DNMBP: variants seen among roughly 807,000 people sequenced by gnomAD.
The protein encoded by DNMBP is dynamin binding protein, also known as dynamin-binding protein.
Under a neutral mutation model 150.0 loss-of-function variants are expected in DNMBP, and 87 were observed. The observed-to-expected ratio is 0.58, with a 90% CI of 0.49 to 0.69. DNMBP has a LOEUF of 0.69. Among genes scored for constraint, DNMBP ranks in the 30% least tolerant of loss-of-function variants. The pLI is 0.00. For synonymous variants in DNMBP, 711 were observed against 750.4 expected (o/e 0.95, Z 0.86); for missense variants, 1,774 against 1,949.0 (o/e 0.91, Z 1.69).
At chr10:99,927,357 G>T (rs1348055183) in intron 4 of DNMBP, 1 of 152,074 alleles carries the variant, frequency 6.6e-6, no homozygotes, top group African/African-American at 2.4e-5. Context: ...ACAAAGAAAT[G>T]GCCATTTATG....
At chr10:99,981,692 C>T (rs1200548093) in intron 1 of DNMBP, among the ~76,000 whole-genome samples, 1 of 152,196 alleles carries the variant, frequency 6.6e-6, no homozygotes, top group Non-Finnish European at 1.5e-5. Flanking sequence ...CCCCAGCCTA[C>T]CCTGTGTTCC....
intron 4 of DNMBP, among the ~76,000 whole-genome samples, chr10:99,923,761 TCTC>T (rs143583833): frequency 0.14 from 20,682 of 152,152 alleles, 1,943 homozygotes; most frequent in African/African-American, 0.26. Flanking sequence ...CCAGAACTGT[TCTC>T]CTTGCTTCTC....
chr10:99,946,645 C>T (rs1390173172), intron 4 of DNMBP, among the ~76,000 whole-genome samples: 4 of 152,168 alleles, frequency 2.6e-5, no homozygotes, highest in Admixed American at 6.5e-5. Flanking sequence ...AGGTCTCAAA[C>T]TACACAAATC....
intron 4 of DNMBP, among the ~76,000 whole-genome samples, chr10:99,931,784 C>T (rs116394506): frequency 0.01 from 1,532 of 152,260 alleles, 29 homozygotes; most frequent in African/African-American, 0.035. Context: ...AGAAGCAACA[C>T]GCTTAAAGAA....
intron 6 of DNMBP, among the ~76,000 whole-genome samples, chr10:99,900,559 C>T (rs939064986): frequency 1.1e-4 from 16 of 152,120 alleles, no homozygotes; most frequent in Non-Finnish European, 1.6e-4. Context: ...CCTTTGCAGT[C>T]GAGCCAAGTC....
At chr10:99,997,489 T>C (rs1022933230) in intron 1 of DNMBP, among the ~76,000 whole-genome samples, 1 of 152,128 alleles carries the variant, frequency 6.6e-6, no homozygotes, top group Non-Finnish European at 1.5e-5. Flanking sequence ...CCTGAATAAC[T>C]TGGAACCTCC....
At chr10:99,899,788 C>T (rs1214161176) in intron 7 of DNMBP, 131 bp downstream of exon 7, 5 of 1,049,504 alleles carry the variant, frequency 4.8e-6, no homozygotes, top group Non-Finnish European at 7.3e-6. Context: ...ATCAGGAAAC[C>T]ACTTAAATGA....
chr10:99,895,927 T>C (rs1264641169), intron 10 of DNMBP, among the ~76,000 whole-genome samples: 1 of 152,244 alleles, frequency 6.6e-6, no homozygotes, highest in Admixed American at 6.5e-5. Flanking sequence ...ATTCAATCTC[T>C]TACACTTAAC....
intron 1 of DNMBP, among the ~76,000 whole-genome samples, chr10:99,987,166 A>AG (rs2040837133): frequency 1.3e-5 from 2 of 151,336 alleles, no homozygotes; most frequent in East Asian, 1.9e-4. Context: ...AAAAAAAAAA[A>AG]AAAGAAATCT....
At chr10:99,975,158 C>T (rs540620883) in intron 1 of DNMBP, among the ~76,000 whole-genome samples, 5 of 152,074 alleles carry the variant, frequency 3.3e-5, no homozygotes, top group African/African-American at 9.6e-5. Flanking sequence ...TCAGGGAGCT[C>T]GAGACCAGCC....
chr10:99,917,732 G>A (rs1376645427), intron 4 of DNMBP, among the ~76,000 whole-genome samples: 1 of 151,830 alleles, frequency 6.6e-6, no homozygotes, highest in East Asian at 1.9e-4. Context: ...TTGGGAGGCC[G>A]AGGCGGGTGG....
At chr10:99,891,985 C>T (rs2039575602) in intron 11 of DNMBP, among the ~76,000 whole-genome samples, 3 of 145,560 alleles carry the variant, frequency 2.1e-5, no homozygotes, top group African/African-American at 5.3e-5. Context: ...GCCCGGCCGC[C>T]CCTACTGGGA....
At chr10:99,891,100 TAAAA>T (rs1271106257) in intron 11 of DNMBP, among the ~76,000 whole-genome samples, 15 of 152,158 alleles carry the variant, frequency 9.9e-5, no homozygotes, top group African/African-American at 3.4e-4. Context: ...TCTTAAAACT[TAAAA>T]AAAGATTTTA....
chr10:99,906,035 C>T (rs2039821089), intron 6 of DNMBP, among the ~76,000 whole-genome samples: 1 of 152,194 alleles, frequency 6.6e-6, no homozygotes. Flanking sequence ...AACTGAGATC[C>T]AGCTGGACCT....
At chr10:99,898,849 T>A in intron 7 of DNMBP, 89 bp from the exon 8 acceptor site, 1 of 1,270,084 alleles carries the variant, frequency 7.9e-7, no homozygotes, top group African/African-American at 1.5e-5. Flanking sequence ...ATAAATCATG[T>A]GGGACAAAAA....
At chr10:99,969,070 CA>C (rs1564749844) in intron 3 of DNMBP, 44 bp downstream of exon 3, 10 of 1,606,184 alleles carry the variant, frequency 6.2e-6, no homozygotes, top group Non-Finnish European at 8.5e-6. Context: ...GGGCAGACTC[CA>C]AAAATCTAAT....
intron 6 of DNMBP, among the ~76,000 whole-genome samples, chr10:99,905,991 C>T (rs2039820533): frequency 6.6e-6 from 1 of 152,138 alleles, no homozygotes; most frequent in Non-Finnish European, 1.5e-5. Flanking sequence ...AACAACAGTA[C>T]CTAAACCTCA....
In DNMBP at chr10:99,908,039, A is replaced by G; in HGVS notation, c.2510T>C (p.Val837Ala). ...LFGNMQMVIKVSKQLLAALEI... is the reference protein window; with the variant it reads ...LFGNMQMVIKASKQLLAALEI... Reference sequence around the variant, plus strand: ...CAGAGCAGCCAATAATTGCTTCGAGACCTTAATCACCATCTGCATATTTCC... The same window carrying G: ...CAGAGCAGCCAATAATTGCTTCGAGGCCTTAATCACCATCTGCATATTTCC... Residue 837 changes from valine (V) to alanine (A), a missense_variant, in exon 6 of 17, where the codon GTC (valine) becomes GCC (alanine). Transcript: ENST00000324109. 1 of 1,614,104 alleles carries G rather than the reference A, an allele frequency of 6.2e-7. No individual in the cohort carries two copies.
At chr10:99,902,583 TACCGGTGTGAA>T (rs2039760364) in intron 6 of DNMBP, among the ~76,000 whole-genome samples, 1 of 148,606 alleles carries the variant, frequency 6.7e-6, no homozygotes, top group Non-Finnish European at 1.5e-5. Context: ...GTGCTGGGAT[TACCGGTGTGAA>T]ACACCGCACC....
Sources: gnomAD v4.1 joint callset for allele counts (sites outside exome capture counted in the v4.1 genomes callset) on GRCh38, gnomAD v4.1.1 for gene constraint, MANE v1.5 for transcripts, NCBI Gene and HGNC (gene_info 2026-07-23, HGNC 2026-07-21) for gene names.